Variants in RPN2 observed in about 807,000 individuals in gnomAD.
RPN2 encodes the protein ribophorin II.
In RPN2, 29 loss-of-function variants were observed where a neutral mutation model predicts 71.4. That is an observed-to-expected ratio of 0.41 (90% CI 0.30 to 0.55). The LOEUF (loss-of-function observed/expected upper bound fraction) is 0.55. Among genes scored for constraint, RPN2 ranks in the 20% least tolerant of loss-of-function variants. The pLI is 0.35. For synonymous variants in RPN2, 308 were observed against 305.0 expected (o/e 1.01, Z -0.10); for missense variants, 726 against 774.1 (o/e 0.94, Z 0.74).
At chr20:37,223,738 A>G (rs1335242045) in intron 9 of RPN2, 140 bp from the exon 10 acceptor site, 11 of 712,366 alleles carry the variant, frequency 1.5e-5, no homozygotes, top group Non-Finnish European at 2.2e-5. Flanking sequence ...GGTCAGTGTT[A>G]TTATCATCCT....
rs569644237 is a variant in RPN2, at chr20:37,203,786, A to G, written c.480-99A>G. 1.1e-5 allele frequency: 9 copies of G among 850,730 alleles called. No individual in the cohort carries two copies. In the South Asian group the frequency reaches 1.1e-4, roughly 10 times the overall value. The allele number at this position is 850,730 out of a possible 1,614,324, so 52.7% of individuals were successfully genotyped here. ...TGAGACCAACTTGTACTTCTAAAGA[A>G]CAAGAGTAGGATATTTGTGAAAGTG... On this transcript the variant is annotated intron_variant, in intron 4 of 16. Coordinates refer to ENST00000237530, the MANE Select transcript of RPN2 (RefSeq NM_002951.5).
At chr20:37,182,593 G>A (rs1283243984) in intron 1 of RPN2, among the ~76,000 whole-genome samples, 74 of 151,944 alleles carry the variant, frequency 4.9e-4, no homozygotes, top group Admixed American at 4.8e-3. Context: ...AAAGGGTTTC[G>A]CCATGTCGCC....
chr20:37,229,703 CA>C (rs1263172464), intron 12 of RPN2, among the ~76,000 whole-genome samples: 1 of 152,118 alleles, frequency 6.6e-6, no homozygotes, highest in Non-Finnish European at 1.5e-5. Flanking sequence ...GCCTGTGTAC[CA>C]GCTGGGATTT....
rs752889189 is a variant in RPN2, at chr20:37,236,725, AG to A, written c.1883+17del. 1.2e-5 allele frequency: 20 copies of A among 1,613,434 alleles called. No individual in the cohort carries two copies. The highest frequency in any genetic ancestry group is 1.5e-5 in the Non-Finnish European group (18 of 1,179,520). On this transcript the variant is annotated intron_variant, in intron 16 of 16. Coordinates refer to ENST00000237530, the MANE Select transcript of RPN2 (RefSeq NM_002951.5). ...CAGTCAAGAGGTAAGGCCAGACATG[AG>A]CCAGGGATCTAGAGTAGGGTTAGAA...
chr20:37,213,943 C>G (rs1256477305), intron 9 of RPN2, 78 bp downstream of exon 9: 2 of 1,071,576 alleles, frequency 1.9e-6, no homozygotes, highest in African/African-American at 1.6e-5. Context: ...TATTAATTGT[C>G]TGGTGCATTG....
At chr20:37,203,549 C>T (rs61147119) in intron 4 of RPN2, among the ~76,000 whole-genome samples, 29,248 of 151,800 alleles carry the variant, frequency 0.19, 3,106 homozygotes, top group Middle Eastern at 0.36. Context: ...ACCATCTTAC[C>T]CAGGCTGGTC....
chr20:37,220,645 G>A (rs143969563), intron 9 of RPN2, among the ~76,000 whole-genome samples: 27 of 152,286 alleles, frequency 1.8e-4, no homozygotes, highest in Non-Finnish European at 3.5e-4. Flanking sequence ...GGAGAAATAA[G>A]TCCCTTTCCT....
rs1470088610 is a variant in RPN2, at chr20:37,198,573, C to CT, written c.303+88dup. On this transcript the variant is annotated intron_variant, in intron 3 of 16. Transcript: ENST00000237530. ...AAGGGGAGGAGTCATGTCAAACATC[C>CT]TTTTTTTAATTATGAGAGTCCATTA... is the stretch of plus-strand genomic sequence containing the variant. The CT allele has an allele frequency of 4.4e-6, 7 of 1,599,000 alleles. No homozygotes were observed. In the Admixed American group the frequency reaches 6.9e-5, roughly 16 times the overall value.
chr20:37,197,476 C>A (rs2067279341), intron 2 of RPN2, among the ~76,000 whole-genome samples: 1 of 152,104 alleles, frequency 6.6e-6, no homozygotes, highest in Admixed American at 6.5e-5. Flanking sequence ...ACTTGATAGG[C>A]TTGGAGGGTG....
chr20:37,208,162 C>T (rs1600788205), intron 7 of RPN2, among the ~76,000 whole-genome samples: 1 of 151,670 alleles, frequency 6.6e-6, no homozygotes, highest in Non-Finnish European at 1.5e-5. Context: ...CCCAGCTACT[C>T]AGGAGGCTGA....
chr20:37,239,573 A>ATTTG (rs77568639), intron 16 of RPN2, among the ~76,000 whole-genome samples: 124 of 149,548 alleles, frequency 8.3e-4, no homozygotes, highest in East Asian at 3.1e-3. Context: ...AGGGAACTGC[A>ATTTG]TTTGTTTGTT....
chr20:37,230,345 G>C (rs6073730), intron 13 of RPN2, among the ~76,000 whole-genome samples: 2 of 152,180 alleles, frequency 1.3e-5, no homozygotes, highest in Admixed American at 1.3e-4. Flanking sequence ...CAGCTTATTA[G>C]CTATGAGCGC....
intron 2 of RPN2, among the ~76,000 whole-genome samples, chr20:37,195,351 A>G (rs1213501277): frequency 6.6e-6 from 1 of 152,166 alleles, no homozygotes; most frequent in Non-Finnish European, 1.5e-5. Context: ...GTCTTTGCAA[A>G]GTGTAGGAAT....
intron 7 of RPN2, among the ~76,000 whole-genome samples, chr20:37,208,267 TAAAAAAAAA>T (rs33943502): frequency 7.1e-6 from 1 of 141,540 alleles, no homozygotes; most frequent in African/African-American, 2.6e-5. Flanking sequence ...AGACCCTGTC[TAAAAAAAAA>T]AAAAAAAAAA....
In RPN2 at chr20:37,238,496, G is replaced by A. The variant is rs189482699; in HGVS notation, c.1883+1787G>A. The A allele has an allele frequency of 7.5e-5, 103 of 1,372,606 alleles. No homozygotes were observed. The East Asian group carries it at 1.8e-3, about 24-fold the overall frequency. The allele number at this position is 1,372,606 out of a possible 1,614,324, so 85.0% of individuals were successfully genotyped here. On this transcript the variant is annotated intron_variant, in intron 16 of 16. Coordinates refer to ENST00000237530, the MANE Select transcript of RPN2 (RefSeq NM_002951.5). ...ATCCCAGAAGCAGGGTCCCTTCCCC[G>A]TCTTGCCCGCCTCATGCATGTCAGT...
Position 37,179,367 on chromosome 20 carries a change from C to A in RPN2, c.11C>A (p.Pro4Gln), listed in dbSNP as rs767218190. The change falls in exon 1 of 17, where the codon CCG (proline) becomes CAG (glutamine). Residue 4 changes from proline (P) to glutamine (Q), a missense_variant and splice_region_variant. Coordinates refer to ENST00000237530, the MANE Select transcript of RPN2 (RefSeq NM_002951.5). ...GACCTGCTCGGAGGAATGGCGCCGCCGGGTGAGGAGTTGCGCGTGGCTTTG... is the reference window on the plus strand; with the variant it reads ...GACCTGCTCGGAGGAATGGCGCCGCAGGGTGAGGAGTTGCGCGTGGCTTTG... Reference protein sequence around the residue: MAPPGSSTVFLLAL... With the variant: MAPQGSSTVFLLAL... 10 of 1,531,942 alleles carry A rather than the reference C, an allele frequency of 6.5e-6. No homozygotes were observed. The highest frequency in any genetic ancestry group is 3.4e-4 in the Middle Eastern group (2 of 5,844). 94.9% of individuals were successfully genotyped at this position (1,531,942 alleles called of 1,614,324 possible). A position where few individuals can be genotyped will look rare whatever the true frequency, so the allele number is the denominator to read the frequency against.
intron 1 of RPN2, among the ~76,000 whole-genome samples, chr20:37,183,458 T>C (rs1308045944): frequency 6.6e-6 from 1 of 152,208 alleles, no homozygotes; most frequent in Non-Finnish European, 1.5e-5. Context: ...CCTCAGGTGA[T>C]CCACCTGCCT....
At chr20:37,230,751 G>A (rs1475161902) in intron 13 of RPN2, among the ~76,000 whole-genome samples, 2 of 152,110 alleles carry the variant, frequency 1.3e-5, no homozygotes, top group Admixed American at 1.3e-4. Flanking sequence ...AAAAACAAGT[G>A]CTCAAAGGGT....
intron 1 of RPN2, among the ~76,000 whole-genome samples, chr20:37,181,064 A>C (rs1600723283): frequency 6.6e-6 from 1 of 152,176 alleles, no homozygotes; most frequent in African/African-American, 2.4e-5. Flanking sequence ...CCCCGTCTCT[A>C]CTAAAAAGAC....
Sources: gnomAD v4.1 joint callset for allele counts (sites outside exome capture counted in the v4.1 genomes callset) on GRCh38, gnomAD v4.1.1 for gene constraint, MANE v1.5 for transcripts, NCBI Gene and HGNC (gene_info 2026-07-23, HGNC 2026-07-21) for gene names.